Variants in RIMS1 observed in about 807,000 individuals in gnomAD.
RIMS1 encodes the protein regulating synaptic membrane exocytosis 1.
RIMS1 carries 83 observed loss-of-function variants against 214.1 expected under a neutral mutation model. The ratio of observed to expected loss-of-function variants is 0.39; its 90% confidence interval spans 0.32 to 0.47. RIMS1 has a LOEUF of 0.47. Ranked by LOEUF, RIMS1 falls within the 20% of genes least tolerant of loss-of-function variation. RIMS1 has a pLI of 0.99. For synonymous variants in RIMS1, 793 were observed against 786.8 expected (o/e 1.01, Z -0.13); for missense variants, 2,050 against 2,161.8 (o/e 0.95, Z 1.03).
At chr6:71,967,578 G>A (rs980996708) in intron 1 of RIMS1, among the ~76,000 whole-genome samples, 1 of 152,172 alleles carries the variant, frequency 6.6e-6, no homozygotes, top group African/African-American at 2.4e-5. Flanking sequence ...TTTGAAGGCT[G>A]ATGCATGATT....
chr6:71,960,857 G>A (rs953178908), intron 1 of RIMS1, among the ~76,000 whole-genome samples: 2 of 152,096 alleles, frequency 1.3e-5, no homozygotes, highest in African/African-American at 4.8e-5. Flanking sequence ...ACCCAAGAGC[G>A]CTTCCTGTAG....
intron 4 of RIMS1, among the ~76,000 whole-genome samples, chr6:72,112,752 C>T (rs963688479): frequency 6.6e-6 from 1 of 152,140 alleles, no homozygotes; most frequent in African/African-American, 2.4e-5. Context: ...AACATCCTTT[C>T]TTTTTACCAT....
At chr6:72,005,946 G>A (rs957551526) in intron 2 of RIMS1, among the ~76,000 whole-genome samples, 17 of 152,282 alleles carry the variant, frequency 1.1e-4, no homozygotes, top group African/African-American at 1.9e-4. Flanking sequence ...GGCAAATTAC[G>A]ATAGAGTGGT....
intron 29 of RIMS1, among the ~76,000 whole-genome samples, chr6:72,345,066 G>A (rs555678680): frequency 2.6e-5 from 4 of 151,854 alleles, no homozygotes; most frequent in African/African-American, 7.2e-5. Flanking sequence ...TGTTAAGCAT[G>A]AGATCAGTTT....
chr6:72,384,936 A>G (rs1329608443), intron 29 of RIMS1, among the ~76,000 whole-genome samples: 1 of 152,210 alleles, frequency 6.6e-6, no homozygotes, highest in Non-Finnish European at 1.5e-5. Context: ...ATATCTCTAA[A>G]TAAGCAAAGA....
intron 28 of RIMS1, among the ~76,000 whole-genome samples, chr6:72,323,333 A>G (rs1030276528): frequency 3.3e-5 from 5 of 152,122 alleles, no homozygotes; most frequent in African/African-American, 1.2e-4. Flanking sequence ...AACAAGAGTT[A>G]TCAAATAGAG....
At chr6:72,061,241 T>C (rs1827773022) in intron 2 of RIMS1, among the ~76,000 whole-genome samples, 1 of 152,218 alleles carries the variant, frequency 6.6e-6, no homozygotes, top group Non-Finnish European at 1.5e-5. Flanking sequence ...GTTGACATTA[T>C]AATACTATCA....
chr6:71,978,123 A>T (rs969324081), intron 2 of RIMS1, among the ~76,000 whole-genome samples: 3 of 152,166 alleles, frequency 2.0e-5, no homozygotes, highest in Admixed American at 6.6e-5. Flanking sequence ...TCTGTGCACT[A>T]AGGGGAGGAG....
chr6:72,258,040 C>T (rs1426266681), intron 16 of RIMS1, 85 bp from the exon 17 acceptor site: 7 of 1,250,726 alleles, frequency 5.6e-6, no homozygotes, highest in Non-Finnish European at 7.9e-6. Context: ...TCAATGGCTG[C>T]TTTAGAATAA....
chr6:72,214,828 T>C (rs1220984529), intron 6 of RIMS1, among the ~76,000 whole-genome samples: 1 of 152,022 alleles, frequency 6.6e-6, no homozygotes, highest in Non-Finnish European at 1.5e-5. Flanking sequence ...TTCAAGCGAT[T>C]CTCCTGCCTC....
At chr6:72,270,822 T>A (rs1178110777) in intron 22 of RIMS1, among the ~76,000 whole-genome samples, 1 of 152,220 alleles carries the variant, frequency 6.6e-6, no homozygotes, top group Non-Finnish European at 1.5e-5. Context: ...ACCTATCATA[T>A]AAGCCACTCT....
chr6:72,288,302 A>G (rs1433095721), intron 24 of RIMS1, among the ~76,000 whole-genome samples: 1 of 152,236 alleles, frequency 6.6e-6, no homozygotes. Flanking sequence ...ACAAAAAGGT[A>G]CATATGTATA....
At chr6:72,105,047 C>T (rs1368744518) in intron 4 of RIMS1, among the ~76,000 whole-genome samples, 1 of 152,134 alleles carries the variant, frequency 6.6e-6, no homozygotes. Flanking sequence ...CTTTCCACCT[C>T]AGTCTCCTGA....
At chr6:72,099,791 G>A (rs1042818717) in intron 3 of RIMS1, among the ~76,000 whole-genome samples, 184 bp from the exon 4 acceptor site, 11 of 152,070 alleles carry the variant, frequency 7.2e-5, no homozygotes, top group African/African-American at 2.2e-4. Context: ...TTTCAATGAA[G>A]GATTGAACAA....
At chr6:71,908,209 A>G (rs1775826068) in intron 1 of RIMS1, among the ~76,000 whole-genome samples, 2 of 152,160 alleles carry the variant, frequency 1.3e-5, no homozygotes, top group South Asian at 4.1e-4. Context: ...AAATTTAGTC[A>G]CTTTATCTTC....
chr6:72,116,176 C>A (rs1157488970), intron 4 of RIMS1, among the ~76,000 whole-genome samples: 1 of 151,938 alleles, frequency 6.6e-6, no homozygotes, highest in Non-Finnish European at 1.5e-5. Context: ...TGGCAACTCA[C>A]TTGAAGTATC....
chr6:72,156,738 G>A (rs1387084309), intron 4 of RIMS1, among the ~76,000 whole-genome samples: 1 of 140,182 alleles, frequency 7.1e-6, no homozygotes, highest in Non-Finnish European at 1.6e-5. Flanking sequence ...ACATCACTTG[G>A]TATATCTCAA....
intron 6 of RIMS1, among the ~76,000 whole-genome samples, chr6:72,205,866 C>T (rs2052810027): frequency 1.3e-5 from 2 of 151,860 alleles, no homozygotes; most frequent in Admixed American, 6.6e-5. Flanking sequence ...TATTGTGTAG[C>T]CATGAAAATC....
chr6:72,339,878 T>G (rs1392395281), intron 29 of RIMS1, among the ~76,000 whole-genome samples: 2 of 151,922 alleles, frequency 1.3e-5, no homozygotes, highest in African/African-American at 4.8e-5. Flanking sequence ...CCACAATGGT[T>G]GAACTAGTTT....
Sources: allele counts gnomAD v4.1 joint callset (sites outside exome capture counted in the v4.1 genomes callset), GRCh38; gene constraint gnomAD v4.1.1; transcripts MANE v1.5; gene names NCBI Gene and HGNC (gene_info 2026-07-23, HGNC 2026-07-21).